Variants in RABGAP1 observed in about 807,000 individuals in gnomAD.
RABGAP1 encodes RAB GTPase activating protein 1.
In RABGAP1, 23 loss-of-function variants were observed where a neutral mutation model predicts 137.6. The ratio of observed to expected loss-of-function variants is 0.17; its 90% CI spans 0.12 to 0.24. The LOEUF (loss-of-function observed/expected upper bound fraction) is 0.24, where lower values mean the gene tolerates loss of function less well. Ranked by LOEUF, RABGAP1 falls within the 10% of genes least tolerant of loss-of-function variation. The pLI, the probability that RABGAP1 is intolerant of heterozygous loss-of-function variation, is 1.00. For missense variants in RABGAP1, 906 were observed against 1,275.8 expected (o/e 0.71, Z 4.42); for synonymous variants, 451 against 450.7 (o/e 1.00, Z -0.01).
Position 123,103,602 on chromosome 9 carries a change from T to TATATATATATATATAC in RABGAP1, c.*404_*405insCATATATATATATATA. 1.8e-5 allele frequency: 1 copy of TATATATATATATATAC among 57,022 alleles called. No homozygotes were observed. Among genetic ancestry groups the TATATATATATATATAC allele is most frequent in the African/African-American group, 2.0e-4 (1 of 4,880 alleles). The allele number at this position is 57,022 out of a possible 1,614,324, so 3.5% of individuals were successfully genotyped here. On this transcript the variant is annotated 3_prime_UTR_variant, in exon 26 of 26. Coordinates refer to ENST00000373647, the MANE Select transcript of RABGAP1 (RefSeq NM_012197.4). ...TTTTTAATATACATATATATATATA[T>TATATATATATATATAC]ATATATATATATATATATATATATA...
At chr9:123,001,511 G>A (rs1181050769) in intron 10 of RABGAP1, among the ~76,000 whole-genome samples, 1 of 152,180 alleles carries the variant, frequency 6.6e-6, no homozygotes, top group Non-Finnish European at 1.5e-5. Flanking sequence ...AAGCAGAGCA[G>A]GCATGGACAC....
At chr9:122,976,032 AATGGGGTGCC>A (rs1835744121) in intron 2 of RABGAP1, among the ~76,000 whole-genome samples, 1 of 152,146 alleles carries the variant, frequency 6.6e-6, no homozygotes, top group Admixed American at 6.5e-5. Flanking sequence ...CTGTGCTGTG[AATGGGGTGCC>A]TCTTGGAGTT....
chr9:122,941,350 C>A (rs538524911), intron 1 of RABGAP1, among the ~76,000 whole-genome samples: 1 of 152,252 alleles, frequency 6.6e-6, no homozygotes, highest in Non-Finnish European at 1.5e-5. Flanking sequence ...CCGGTTCCCC[C>A]TGTCTGTGTG....
intron 10 of RABGAP1, among the ~76,000 whole-genome samples, chr9:123,000,024 C>T (rs891422301): frequency 4.6e-5 from 7 of 151,636 alleles, no homozygotes; most frequent in Non-Finnish European, 1.0e-4. Flanking sequence ...TTTTTAATCT[C>T]TGTTGTCTCT....
intron 13 of RABGAP1, among the ~76,000 whole-genome samples, chr9:123,039,987 G>C (rs2032873133): frequency 1.3e-5 from 2 of 152,124 alleles, no homozygotes; most frequent in South Asian, 4.1e-4. Flanking sequence ...ATTGTATTAT[G>C]TAAGAGCAGT....
At chr9:123,072,812 A>C (rs771166368) in intron 15 of RABGAP1, among the ~76,000 whole-genome samples, 10 of 152,186 alleles carry the variant, frequency 6.6e-5, no homozygotes, top group Non-Finnish European at 1.5e-4. Context: ...GTTCCATAGA[A>C]GCCTGCCCAC....
chr9:122,949,731 A>G (rs1394363135), intron 1 of RABGAP1, among the ~76,000 whole-genome samples: 1 of 150,454 alleles, frequency 6.6e-6, no homozygotes, highest in Non-Finnish European at 1.5e-5. Flanking sequence ...AAAAGTGTTG[A>G]TATTATTTTA....
At chr9:123,098,902 G>C in intron 23 of RABGAP1, 104 bp downstream of exon 23, 1 of 679,542 alleles carries the variant, frequency 1.5e-6, no homozygotes, top group Non-Finnish European at 2.5e-6. Context: ...CAAGCACCCT[G>C]GTTTCAGATC....
chr9:123,001,339 T>G (rs1314445235), intron 10 of RABGAP1, among the ~76,000 whole-genome samples: 1 of 152,220 alleles, frequency 6.6e-6, no homozygotes, highest in African/African-American at 2.4e-5. Context: ...TGAATTGATT[T>G]TATTTACATG....
intron 6 of RABGAP1, chr9:122,990,831 A>G (rs1454933336): frequency 8.1e-6 from 1 of 123,224 alleles, no homozygotes; most frequent in Admixed American, 8.7e-5. Flanking sequence ...ATATATATAT[A>G]TATATGGCCA....
At chr9:123,101,467 G>A (rs1360920179) in intron 24 of RABGAP1, 99 bp from the exon 25 acceptor site, 2 of 1,184,362 alleles carry the variant, frequency 1.7e-6, no homozygotes, top group African/African-American at 3.1e-5. Context: ...GTGCTCAACA[G>A]AGAAGCCGTC....
At chr9:123,037,056 A>G (rs2032702408) in intron 13 of RABGAP1, among the ~76,000 whole-genome samples, 1 of 152,176 alleles carries the variant, frequency 6.6e-6, no homozygotes, top group Non-Finnish European at 1.5e-5. Flanking sequence ...GAAGTCTTCA[A>G]GGGACTTACT....
intron 13 of RABGAP1, among the ~76,000 whole-genome samples, chr9:123,055,826 C>T (rs1371911005): frequency 6.6e-6 from 1 of 152,198 alleles, no homozygotes; most frequent in East Asian, 1.9e-4. Context: ...GCTGGGAGTA[C>T]AGGCGTGAGC....
chr9:123,036,769 A>AT (rs2032684328), intron 13 of RABGAP1, among the ~76,000 whole-genome samples: 1 of 151,336 alleles, frequency 6.6e-6, no homozygotes, highest in African/African-American at 2.4e-5. Flanking sequence ...TCTTATTGCT[A>AT]TTTTCTCTCT....
Position 123,035,315 on chromosome 9 carries a change from A to G in RABGAP1, c.1794+14856A>G, listed in dbSNP as rs141203210. 45 of 1,614,078 alleles carry G rather than the reference A, an allele frequency of 2.8e-5. No individual in the cohort carries two copies. Among genetic ancestry groups the G allele is most frequent in the Non-Finnish European group, 3.6e-5 (43 of 1,180,038 alleles). On this transcript the variant is annotated intron_variant, in intron 13 of 25. Transcript: ENST00000373647. ...GTGCAGGCCTGTCCTGATAAGCGCTATGCCATGGTCCTGTTTCGAATCACT... is the reference window on the plus strand; with the variant it reads ...GTGCAGGCCTGTCCTGATAAGCGCTGTGCCATGGTCCTGTTTCGAATCACT...
intron 25 of RABGAP1, among the ~76,000 whole-genome samples, chr9:123,102,616 T>C (rs1217365943): frequency 6.6e-6 from 1 of 151,512 alleles, no homozygotes; most frequent in Middle Eastern, 3.2e-3. Flanking sequence ...GCAGAGGGAG[T>C]GGCATGTTCA....
chr9:123,087,231 A>G (rs79315143), intron 19 of RABGAP1, among the ~76,000 whole-genome samples: 291 of 152,350 alleles, frequency 1.9e-3, no homozygotes, highest in African/African-American at 6.2e-3. Flanking sequence ...TTAGCCTATT[A>G]CAACATATAT....
intron 2 of RABGAP1, 123 bp from the exon 3 acceptor site, chr9:122,984,361 AC>A (rs540282441): frequency 6.9e-4 from 562 of 811,960 alleles, no homozygotes; most frequent in Non-Finnish European, 1.0e-3. Context: ...TTTAAAAAAA[AC>A]ATTCAGAAGA....
Position 123,020,458 on chromosome 9 carries a change from A to G in RABGAP1, c.1793A>G (p.Lys598Arg), listed in dbSNP as rs75992542. The change falls in exon 13 of 26, where the codon AAG (lysine) becomes AGG (arginine). Residue 598 changes from lysine to arginine, a missense_variant and splice_region_variant. By Grantham distance (26) the Lys-to-Arg change is conservative (BLOSUM62 2). Around this residue, in one of 9 missense-constraint regions of RABGAP1, gnomAD observed 212 missense variants for 289.4 expected, o/e 0.73. Transcript: ENST00000373647. ...LVEKYRILIT[K>R]ESPQDSAITR... ...GAGAAATACCGCATTCTTATCACAA[A>G]GGTAAGGGGGTGATAATTCAGCTTC... 1.2e-3 allele frequency: 1,948 copies of G among 1,590,788 alleles called. 26 individuals are homozygous for G. The East Asian group carries it at 0.034, about 27-fold the overall frequency.
Sources: gnomAD v4.1 joint callset for allele counts (sites outside exome capture counted in the v4.1 genomes callset) on GRCh38, gnomAD v4.1.1 for gene constraint, gnomAD v4.1.1 regional missense constraint, MANE v1.5 for transcripts, NCBI Gene and HGNC (gene_info 2026-07-23, HGNC 2026-07-21) for gene names.